FSHR: variants seen among roughly 807,000 people sequenced by gnomAD.
FSHR encodes follicle-stimulating hormone receptor.
In FSHR, 46 loss-of-function variants were observed where a neutral mutation model predicts 52.1. The observed-to-expected ratio is 0.88, with a 90% CI of 0.70 to 1.13. The LOEUF is 1.13. Ranked by LOEUF, FSHR falls within the 50% of genes most tolerant of loss-of-function variation. FSHR has a pLI of 0.00. For missense variants in FSHR, 964 were observed against 834.6 expected, an observed-to-expected ratio of 1.16 and a Z score of -1.91; for synonymous variants, 399 against 309.6, an observed-to-expected ratio of 1.29 and a Z score of -3.03.
chr2:49,090,473 A>C (rs923402361), intron 1 of FSHR, among the ~76,000 whole-genome samples: 1 of 152,330 alleles, frequency 6.6e-6, no homozygotes. Flanking sequence ...GCTGAGTAGT[A>C]TTCCACTGTA....
At chr2:49,095,547 A>T (rs185035558) in intron 1 of FSHR, among the ~76,000 whole-genome samples, 1 of 152,322 alleles carries the variant, frequency 6.6e-6, no homozygotes, top group Admixed American at 6.5e-5. Flanking sequence ...GAAAGTAAAT[A>T]TATGTGACCT....
At chr2:49,050,578 C>A (rs1202408170) in intron 2 of FSHR, among the ~76,000 whole-genome samples, 2 of 152,112 alleles carry the variant, frequency 1.3e-5, no homozygotes, top group East Asian at 1.9e-4. Context: ...CAGAAAGGAC[C>A]AGACTACCTT....
At chr2:49,080,497 A>C (rs1670129389) in intron 1 of FSHR, among the ~76,000 whole-genome samples, 1 of 152,178 alleles carries the variant, frequency 6.6e-6, no homozygotes, top group South Asian at 2.1e-4. Context: ...CACAATGCCA[A>C]ATTTTAAAAT....
intron 6 of FSHR, among the ~76,000 whole-genome samples, chr2:48,986,838 C>T (rs571645340): frequency 4.6e-5 from 7 of 152,200 alleles, no homozygotes; most frequent in African/African-American, 1.4e-4. Context: ...TTCTGTCTTA[C>T]GGTCTGGACA....
At chr2:49,140,187 G>A (rs954775306) in intron 1 of FSHR, among the ~76,000 whole-genome samples, 1 of 152,074 alleles carries the variant, frequency 6.6e-6, no homozygotes, top group African/African-American at 2.4e-5. Flanking sequence ...CCTGGTGGGA[G>A]GTGTTTGGGT....
intron 1 of FSHR, among the ~76,000 whole-genome samples, chr2:49,136,129 C>T (rs1439974427): frequency 2.6e-5 from 4 of 151,416 alleles, no homozygotes; most frequent in Admixed American, 6.6e-5. Flanking sequence ...ATAGAATGAC[C>T]AAGAAGAAAA....
intron 4 of FSHR, among the ~76,000 whole-genome samples, chr2:48,995,670 A>G (rs1276502758): frequency 3.9e-5 from 6 of 152,090 alleles, no homozygotes; most frequent in African/African-American, 1.4e-4. Flanking sequence ...TTCCCTGAGC[A>G]GAGCTGGCCC....
intron 2 of FSHR, among the ~76,000 whole-genome samples, chr2:49,049,640 A>G (rs976875644): frequency 6.6e-6 from 1 of 152,062 alleles, no homozygotes; most frequent in Non-Finnish European, 1.5e-5. Context: ...TCCTGCCTGT[A>G]TTCTTACTGT....
At chr2:49,000,615 T>C (rs1269861146) in intron 4 of FSHR, among the ~76,000 whole-genome samples, 1 of 152,202 alleles carries the variant, frequency 6.6e-6, no homozygotes, top group Admixed American at 6.5e-5. Context: ...GGCATGAAAG[T>C]AGTGTGGAGA....
At position 49,099,760 on chromosome 2, in the gene FSHR, A is replaced by G. The variant is rs527863171; in HGVS notation, c.153-31470T>C. On this transcript the variant is annotated intron_variant, in intron 1 of 9. Transcript: ENST00000406846. ...CATGGAATGCCAAAGATTGCTGGCC[A>G]TCACCAGAAGCTAAGAAAGAGGCAT... Among the ~76,000 whole-genome samples, 20 of 152,292 alleles carry G rather than the reference A, an allele frequency of 1.3e-4. No individual in the cohort carries two copies. In the South Asian group the frequency reaches 4.1e-3, roughly 32 times the overall value.
intron 1 of FSHR, among the ~76,000 whole-genome samples, chr2:49,133,844 A>G (rs918209959): frequency 1.3e-5 from 2 of 152,132 alleles, no homozygotes; most frequent in Non-Finnish European, 2.9e-5. Flanking sequence ...AATAAATGGT[A>G]CTGGGAAAAT....
intron 2 of FSHR, among the ~76,000 whole-genome samples, chr2:49,049,604 A>C (rs1282615221): frequency 6.6e-6 from 1 of 152,008 alleles, no homozygotes; most frequent in South Asian, 2.1e-4. Flanking sequence ...CTTTATTACT[A>C]TAAGCTTATT....
chr2:49,125,911 C>G (rs770653803), intron 1 of FSHR, among the ~76,000 whole-genome samples: 1 of 152,208 alleles, frequency 6.6e-6, no homozygotes, highest in African/African-American at 2.4e-5. Context: ...TGAACCTCTG[C>G]TATTTCTCCT....
intron 1 of FSHR, among the ~76,000 whole-genome samples, chr2:49,096,634 A>G (rs954432067): frequency 6.6e-6 from 1 of 152,224 alleles, no homozygotes; most frequent in South Asian, 2.1e-4. Context: ...AAAATATTAC[A>G]ACTACTGCTA....
intron 1 of FSHR, among the ~76,000 whole-genome samples, chr2:49,068,518 A>G (rs1247380649): frequency 1.3e-5 from 2 of 151,968 alleles, no homozygotes; most frequent in Non-Finnish European, 2.9e-5. Flanking sequence ...AGAACAAAAA[A>G]TTTACCCAGG....
intron 1 of FSHR, among the ~76,000 whole-genome samples, chr2:49,116,258 C>T (rs1385561025): frequency 6.6e-6 from 1 of 152,116 alleles, no homozygotes; most frequent in Non-Finnish European, 1.5e-5. Flanking sequence ...AGGTTTTAAG[C>T]AAGGGACTAA....
intron 1 of FSHR, among the ~76,000 whole-genome samples, chr2:49,107,396 G>A (rs953076632): frequency 6.6e-6 from 1 of 151,998 alleles, no homozygotes; most frequent in East Asian, 1.9e-4. Context: ...CTATCTTATA[G>A]CACTTATCTT....
At chr2:49,118,852 T>A (rs1329175881) in intron 1 of FSHR, among the ~76,000 whole-genome samples, 1 of 152,218 alleles carries the variant, frequency 6.6e-6, no homozygotes, top group Non-Finnish European at 1.5e-5. Flanking sequence ...ACCCCTTGGT[T>A]TTAAAGAAAC....
intron 8 of FSHR, among the ~76,000 whole-genome samples, chr2:48,977,963 C>G (rs1488157977): frequency 6.6e-6 from 1 of 152,148 alleles, no homozygotes; most frequent in Non-Finnish European, 1.5e-5. Context: ...AAAAATATCA[C>G]TTTTAACGTT....
Sources: gnomAD v4.1 joint callset for allele counts (sites outside exome capture counted in the v4.1 genomes callset) on GRCh38, gnomAD v4.1.1 for gene constraint, MANE v1.5 for transcripts, NCBI Gene and HGNC (gene_info 2026-07-23, HGNC 2026-07-21) for gene names.